The following RIN2 variants were observed in gnomAD, a reference collection of about 807,000 sequenced individuals.
RIN2 encodes the protein RAB5 interacting protein 2.
A neutral mutation model predicts 78.0 loss-of-function variants in RIN2; 36 were observed. That is an observed-to-expected ratio of 0.46 (90% confidence interval 0.35 to 0.61). The LOEUF (loss-of-function observed/expected upper bound fraction) is 0.61. Among genes scored for constraint, RIN2 ranks in the 20% least tolerant of loss-of-function variants. The pLI is 0.00. For missense variants in RIN2, 1,087 were observed against 1,159.7 expected (o/e 0.94, Z 0.91); for synonymous variants, 466 against 466.8 (o/e 1.00, Z 0.02).
chr20:19,973,810 A>G (rs2042182164), intron 8 of RIN2, among the ~76,000 whole-genome samples: 1 of 152,040 alleles, frequency 6.6e-6, no homozygotes, highest in African/African-American at 2.4e-5. Flanking sequence ...AAAAAAGAAT[A>G]ACCTATCCCA....
At chr20:19,859,549 C>G (rs2037269930) in intron 2 of RIN2, among the ~76,000 whole-genome samples, 1 of 152,192 alleles carries the variant, frequency 6.6e-6, no homozygotes, top group Admixed American at 6.5e-5. Context: ...GCACTGGCAC[C>G]ATTAAATAGT....
At chr20:19,961,363 T>C (rs537952045) in intron 6 of RIN2, among the ~76,000 whole-genome samples, 1 of 152,314 alleles carries the variant, frequency 6.6e-6, no homozygotes, top group Non-Finnish European at 1.5e-5. Flanking sequence ...AGTGTTGGTT[T>C]TCTTTCTGCT....
chr20:19,853,763 T>A (rs1373078005), intron 2 of RIN2, among the ~76,000 whole-genome samples: 2 of 152,238 alleles, frequency 1.3e-5, no homozygotes, highest in East Asian at 3.8e-4. Context: ...GAGTTCTTCG[T>A]AGATTCTGGA....
At chr20:19,804,545 A>G (rs1158427961) in intron 2 of RIN2, among the ~76,000 whole-genome samples, 1 of 152,230 alleles carries the variant, frequency 6.6e-6, no homozygotes, top group Non-Finnish European at 1.5e-5. Context: ...CCAGGGTTGA[A>G]GCTGACTTGA....
intron 1 of RIN2, among the ~76,000 whole-genome samples, chr20:19,777,558 A>C (rs1393710882): frequency 2.0e-5 from 3 of 152,268 alleles, no homozygotes; most frequent in African/African-American, 7.2e-5. Context: ...TGGTTCCAGG[A>C]AATGACCATT....
chr20:19,807,672 A>C (rs1013909055), intron 2 of RIN2, among the ~76,000 whole-genome samples: 2 of 152,190 alleles, frequency 1.3e-5, no homozygotes, highest in African/African-American at 4.8e-5. Flanking sequence ...AGTTGCCCAA[A>C]CTTGTCAGAA....
At chr20:19,960,676 T>C (rs1298318901) in intron 5 of RIN2, 24 bp from the exon 6 acceptor site, 1 of 1,490,830 alleles carries the variant, frequency 6.7e-7, no homozygotes. Flanking sequence ...TTCCTAAAGC[T>C]TGTATTTCTT....
chr20:19,875,742 C>T (rs1298586003), intron 2 of RIN2, among the ~76,000 whole-genome samples: 1 of 152,004 alleles, frequency 6.6e-6, no homozygotes, highest in Non-Finnish European at 1.5e-5. Context: ...ACATTTAAAT[C>T]ACTCAACACG....
In RIN2 at chr20:19,986,290, C is replaced by A. The variant is rs532708199; in HGVS notation, c.1763-3716C>A. 7.2e-5 allele frequency among the ~76,000 whole-genome samples: 11 copies of A among 151,762 alleles called. No homozygotes were observed. In the South Asian group the frequency reaches 2.3e-3, roughly 32 times the overall value. On this transcript the variant is annotated intron_variant, in intron 9 of 12. Transcript: ENST00000255006. ...GTGGGTCCCTCTTTTCATTTAGGCT[C>A]TTGTCCCCTACTCTTTATGTTTATT...
intron 2 of RIN2, among the ~76,000 whole-genome samples, chr20:19,813,252 G>A (rs1419493907): frequency 6.6e-6 from 1 of 152,208 alleles, no homozygotes; most frequent in Non-Finnish European, 1.5e-5. Context: ...AAATTAATGG[G>A]CTAATCGGCC....
intron 1 of RIN2, among the ~76,000 whole-genome samples, chr20:19,782,303 G>T (rs1027430833): frequency 6.6e-6 from 1 of 152,176 alleles, no homozygotes; most frequent in Non-Finnish European, 1.5e-5. Flanking sequence ...GGTGGCTCAC[G>T]CCTGTAATCC....
chr20:19,896,831 C>T (rs1008605090), intron 3 of RIN2, among the ~76,000 whole-genome samples: 24 of 152,062 alleles, frequency 1.6e-4, no homozygotes, highest in Non-Finnish European at 1.8e-4. Context: ...CTAGTAGCCA[C>T]ATTTAAAACT....
intron 2 of RIN2, among the ~76,000 whole-genome samples, chr20:19,875,287 T>C (rs1430658261): frequency 6.6e-6 from 1 of 152,094 alleles, no homozygotes; most frequent in Non-Finnish European, 1.5e-5. Context: ...GCCTCCCAAG[T>C]AGCTGGGATT....
chr20:19,920,295 C>CA (rs34086663), intron 3 of RIN2, among the ~76,000 whole-genome samples: 33,595 of 95,004 alleles, frequency 0.35, 4,888 homozygotes, highest in East Asian at 0.62. Flanking sequence ...GACTCTGTCT[C>CA]AAAAAAAAAA....
intron 2 of RIN2, chr20:19,886,511 C>T (rs2038196935): frequency 2.1e-5 from 12 of 568,056 alleles, no homozygotes; most frequent in South Asian, 2.0e-4. Flanking sequence ...CGACCAGCTC[C>T]GTTTACATTC....
rs1236827958 is a variant in RIN2, at chr20:19,949,995, G to A, written c.159-6620G>A. 2.0e-5 allele frequency among the ~76,000 whole-genome samples: 3 copies of A among 152,156 alleles called. No individual in the cohort carries two copies. In the East Asian group the frequency reaches 5.8e-4, roughly 29 times the overall value. The stretch of plus-strand genomic sequence containing the variant: ...CACCTGCTCAGGCGACTAATGTTGG[G>A]CCATGGGAAGGAAGGAAATCCAGCC... On this transcript the variant is annotated intron_variant, in intron 4 of 12. Coordinates refer to ENST00000255006, the MANE Select transcript of RIN2 (RefSeq NM_018993.4).
chr20:19,791,800 G>C (rs1272648267), intron 1 of RIN2, among the ~76,000 whole-genome samples: 1 of 152,140 alleles, frequency 6.6e-6, no homozygotes, highest in Non-Finnish European at 1.5e-5. Context: ...TGCAAACTCA[G>C]CACTGGGGTT....
intron 1 of RIN2, among the ~76,000 whole-genome samples, chr20:19,768,786 C>T (rs1462156147): frequency 2.0e-5 from 3 of 152,170 alleles, no homozygotes; most frequent in Non-Finnish European, 4.4e-5. Context: ...GAAACCGTCT[C>T]TCCTCTATGT....
At position 19,968,252 on chromosome 20, in the gene RIN2, C is replaced by T. The variant is rs527313876; in HGVS notation, c.537-2586C>T. Among the ~76,000 whole-genome samples, 328 of 152,272 alleles carry T rather than the reference C, an allele frequency of 2.2e-3. 1 individual carries two copies. Among genetic ancestry groups the T allele is most frequent in the African/African-American group, 7.1e-3 (296 of 41,554 alleles). ...CTGCTGTAATTTAATAGTAGTTGCC[C>T]GATGATCTTTGTCCCCTCCCCTTTA... On this transcript the variant is annotated intron_variant, in intron 7 of 12. Coordinates refer to ENST00000255006, the MANE Select transcript of RIN2 (RefSeq NM_018993.4).
Sources: gnomAD v4.1 joint callset for allele counts (sites outside exome capture counted in the v4.1 genomes callset) on GRCh38, gnomAD v4.1.1 for gene constraint, MANE v1.5 for transcripts, NCBI Gene and HGNC (gene_info 2026-07-23, HGNC 2026-07-21) for gene names.